EXOC4: variants seen among roughly 807,000 people sequenced by gnomAD.
EXOC4 encodes the protein SEC8-like 1.
Under a neutral mutation model 107.2 loss-of-function variants are expected in EXOC4, and 71 were observed. The ratio of observed to expected loss-of-function variants is 0.66; its 90% CI spans 0.55 to 0.81. EXOC4 has a LOEUF of 0.81. Among genes scored for constraint, EXOC4 ranks in the 30% least tolerant of loss-of-function variants. The probability of loss-of-function intolerance (pLI) is 0.00; values close to 1 mark genes in which losing one functional copy is unlikely to be tolerated. For missense variants in EXOC4, 1,108 were observed against 1,189.6 expected, an observed-to-expected ratio of 0.93 and a Z score of 1.01; for synonymous variants, 456 against 441.2, an observed-to-expected ratio of 1.03 and a Z score of -0.42.
At chr7:133,321,753 AG>A (rs1373489585) in intron 5 of EXOC4, among the ~76,000 whole-genome samples, 1 of 152,198 alleles carries the variant, frequency 6.6e-6, no homozygotes, top group Non-Finnish European at 1.5e-5. Context: ...ATGGGATTGC[AG>A]GGTCAAACGG....
At chr7:133,873,905 A>G (rs865914756) in intron 11 of EXOC4, among the ~76,000 whole-genome samples, 1 of 152,214 alleles carries the variant, frequency 6.6e-6, no homozygotes, top group Non-Finnish European at 1.5e-5. Flanking sequence ...TGGGCAGTAC[A>G]TGGGTGGTAC....
chr7:133,863,180 A>C (rs890405899), intron 11 of EXOC4, among the ~76,000 whole-genome samples: 7 of 152,128 alleles, frequency 4.6e-5, no homozygotes, highest in Non-Finnish European at 8.8e-5. Context: ...GAAAATCAAA[A>C]CCAGACCAAC....
chr7:133,415,893 G>T (rs1797464426), intron 7 of EXOC4, among the ~76,000 whole-genome samples: 1 of 152,124 alleles, frequency 6.6e-6, no homozygotes, highest in African/African-American at 2.4e-5. Context: ...ATGCTTTGGT[G>T]CATGCTTACA....
intron 11 of EXOC4, among the ~76,000 whole-genome samples, chr7:133,846,300 C>G (rs569339178): frequency 6.6e-6 from 1 of 152,262 alleles, no homozygotes; most frequent in African/African-American, 2.4e-5. Context: ...TCTTCAGTTT[C>G]TTGTAACCTT....
intron 3 of EXOC4, 71 bp downstream of exon 3, chr7:133,289,187 A>G: frequency 1.5e-6 from 2 of 1,346,650 alleles, no homozygotes. Context: ...TTCTCTCTGA[A>G]TCCTGTAATG....
chr7:133,414,837 G>C (rs1797438908), intron 7 of EXOC4, among the ~76,000 whole-genome samples: 1 of 152,084 alleles, frequency 6.6e-6, no homozygotes, highest in Admixed American at 6.6e-5. Context: ...CATGTTCACA[G>C]AGTTGTGTAT....
chr7:133,364,305 ATTTT>A (rs534789670), intron 6 of EXOC4, among the ~76,000 whole-genome samples: 1 of 139,190 alleles, frequency 7.2e-6, no homozygotes, highest in African/African-American at 2.7e-5. Context: ...TATTTAAAGT[ATTTT>A]TTTTTTTTTT....
intron 7 of EXOC4, among the ~76,000 whole-genome samples, chr7:133,395,778 G>T (rs561395740): frequency 6.6e-6 from 1 of 152,220 alleles, no homozygotes; most frequent in African/African-American, 2.4e-5. Context: ...CTTGGGATTT[G>T]TACAGAATAA....
At chr7:133,880,200 A>G (rs927587293) in intron 11 of EXOC4, among the ~76,000 whole-genome samples, 1 of 152,112 alleles carries the variant, frequency 6.6e-6, no homozygotes, top group African/African-American at 2.4e-5. Flanking sequence ...CTCTTGGACT[A>G]TCACTGTTTC....
chr7:133,481,315 A>T (rs569140380), intron 9 of EXOC4, among the ~76,000 whole-genome samples: 1 of 152,208 alleles, frequency 6.6e-6, no homozygotes, highest in Non-Finnish European at 1.5e-5. Flanking sequence ...TAGAGAAATT[A>T]CAAGAAAGGA....
At chr7:133,762,050 T>G (rs763255212) in intron 10 of EXOC4, among the ~76,000 whole-genome samples, 3 of 152,198 alleles carry the variant, frequency 2.0e-5, no homozygotes, top group Non-Finnish European at 4.4e-5. Context: ...AATGTTTAAA[T>G]GTTTAAATGT....
chr7:134,090,228 A>G, the EXOC4 span, among the ~76,000 whole-genome samples: 2 of 152,224 alleles, frequency 1.3e-5, no homozygotes, highest in Non-Finnish European at 2.9e-5. Context: ...TAAGCCAGGA[A>G]TTGGACCCTG....
At chr7:133,689,413 T>C (rs1794372761) in intron 10 of EXOC4, among the ~76,000 whole-genome samples, 2 of 152,104 alleles carry the variant, frequency 1.3e-5, no homozygotes, top group Admixed American at 1.3e-4. Flanking sequence ...GAAAGATCAG[T>C]TTCAACTGCG....
chr7:133,823,674 G>A (rs138587449), intron 11 of EXOC4, among the ~76,000 whole-genome samples: 2,099 of 149,356 alleles, frequency 0.014, 14 homozygotes, highest in Non-Finnish European at 0.021. Flanking sequence ...AAATTAGCCA[G>A]GTGTGGTGGT....
intron 14 of EXOC4, among the ~76,000 whole-genome samples, chr7:133,976,473 T>C (rs1012093991): frequency 9.2e-5 from 14 of 152,294 alleles, no homozygotes; most frequent in Admixed American, 9.2e-4. Flanking sequence ...AATACCCAGA[T>C]TACAGCAGAT....
At chr7:134,078,683 A>T in the EXOC4 span, among the ~76,000 whole-genome samples, 1 of 152,224 alleles carries the variant, frequency 6.6e-6, no homozygotes, top group Non-Finnish European at 1.5e-5. Context: ...TGAGATTTGA[A>T]GTTGCAATCT....
intron 17 of EXOC4, among the ~76,000 whole-genome samples, chr7:134,025,752 A>G (rs533095663): frequency 1.3e-3 from 200 of 152,272 alleles, no homozygotes; most frequent in Non-Finnish European, 2.5e-3. Flanking sequence ...TACCTCTTAC[A>G]TGGTTACTTG....
chr7:133,480,023 G>T (rs1339105097), intron 8 of EXOC4, 27 bp from the exon 9 acceptor site: 3 of 1,597,220 alleles, frequency 1.9e-6, no homozygotes, highest in African/African-American at 1.3e-5. Context: ...ACACCTGCTT[G>T]TCTGTTTCCC....
At chr7:133,323,493 G>T (rs1795163702) in intron 5 of EXOC4, among the ~76,000 whole-genome samples, 1 of 152,106 alleles carries the variant, frequency 6.6e-6, no homozygotes, top group South Asian at 2.1e-4. Context: ...CTTTGGTTCT[G>T]TTTATATGCT....
Sources: gnomAD v4.1 joint callset for allele counts (sites outside exome capture counted in the v4.1 genomes callset) on GRCh38, gnomAD v4.1.1 for gene constraint, MANE v1.5 for transcripts, NCBI Gene and HGNC (gene_info 2026-07-23, HGNC 2026-07-21) for gene names.